NPDC1: variants seen among roughly 807,000 people sequenced by gnomAD.
The protein encoded by NPDC1 is neural proliferation differentiation and control protein 1.
NPDC1 carries 18 observed loss-of-function variants against 32.5 expected under a neutral mutation model. That is an observed-to-expected ratio of 0.55 (90% CI 0.38 to 0.82). The LOEUF (loss-of-function observed/expected upper bound fraction) is 0.82. NPDC1 is among the 40% of genes least tolerant of loss of function. The pLI is 0.00. For missense variants in NPDC1, 468 were observed against 406.6 expected (o/e 1.15, Z -1.30); for synonymous variants, 210 against 184.7 (o/e 1.14, Z -1.11).
In NPDC1 at chr9:137,040,438, T is replaced by G. The variant is rs549708328; in HGVS notation, c.709-2A>C. On this transcript the variant is annotated splice_acceptor_variant, in intron 6 of 8. Coordinates refer to ENST00000371601, the MANE Select transcript of NPDC1 (RefSeq NM_015392.4). LOFTEE classifies it high-confidence loss of function. ...CTGTGCCAGCCGCTGGTCCCCAGGC[T>G]GTGGGAAGGAGGAGGCGAGGGTCAG... 1 of 1,555,470 alleles carries G rather than the reference T, an allele frequency of 6.4e-7. No homozygotes were observed. The highest frequency in any genetic ancestry group is 1.9e-5 in the Admixed American group (1 of 51,474).
Position 137,039,797 on chromosome 9 carries a change from G to A in NPDC1, c.953C>T (p.Pro318Leu), listed in dbSNP as rs773245166. The A allele has an allele frequency of 6.4e-6, 5 of 776,348 alleles. No homozygotes were observed. In the Admixed American group the frequency reaches 8.5e-5, roughly 13 times the overall value. The allele number at this position is 776,348 out of a possible 1,614,324, so 48.1% of individuals were successfully genotyped here. The change falls in exon 9 of 9, where the codon CCC becomes CTC. Residue 318 changes from proline (P) to leucine (L), a missense_variant. Coordinates refer to ENST00000371601, the MANE Select transcript of NPDC1 (RefSeq NM_015392.4). ...HAALSAPLPA[P>L]SSPPALP ...TCATGGCAGTGCAGGCGGTGAGCTG[G>A]GGGCCGGCAGGGGCGCGGACAGTGC...
Position 137,040,847 on chromosome 9 carries a change from G to A in NPDC1, c.523C>T (p.Pro175Ser), listed in dbSNP as rs1409023568. The A allele has an allele frequency of 1.3e-6, 2 of 1,597,350 alleles. No individual in the cohort carries two copies. Among genetic ancestry groups the A allele is most frequent in the South Asian group, 1.1e-5 (1 of 89,346 alleles). The change falls in exon 4 of 9, where the codon CCC becomes TCC. Residue 175 changes from proline (P) to serine (S), a missense_variant. By Grantham distance (74) the Pro-to-Ser change is moderately conservative. Coordinates refer to ENST00000371601, the MANE Select transcript of NPDC1 (RefSeq NM_015392.4). ...AGGCCGTCGCCTTGCCCTCCCCGGG[G>A]CTCCAGGGGCGACATGTGCACCGGG... ...SDPVHMSPLEPRGGQGDGLAL... is the reference protein window; with the variant it reads ...SDPVHMSPLESRGGQGDGLAL...
chr9:137,040,873 T>G lies in NPDC1; in HGVS notation c.497A>C (p.Asp166Ala), dbSNP rs1188123879. The G allele has an allele frequency of 6.3e-7, 1 of 1,598,704 alleles. No homozygotes were observed. Among genetic ancestry groups the G allele is most frequent in the African/African-American group, 1.3e-5 (1 of 74,678 alleles). ...HTSLGSPVSSDPVHMSPLEPR... is the reference protein window; with the variant it reads ...HTSLGSPVSSAPVHMSPLEPR... ...CTCCAGGGGCGACATGTGCACCGGG[T>G]CGGATGACACAGGGGAGCCCAGGGA... is the stretch of plus-strand genomic sequence containing the variant. Residue 166 changes from aspartate (D) to alanine (A), a missense_variant, in exon 4 of 9, where the codon GAC becomes GCC. Asp to Ala is a moderately radical substitution (Grantham distance 126). Transcript: ENST00000371601.
chr9:137,044,380 AC>A (rs36114428), intron 1 of NPDC1, among the ~76,000 whole-genome samples: 1 of 152,100 alleles, frequency 6.6e-6, no homozygotes. Context: ...CCAACTTGGC[AC>A]CTGGGGAGTG....
intron 1 of NPDC1, chr9:137,043,971 T>A (rs1219886896): frequency 6.5e-6 from 1 of 153,844 alleles, no homozygotes; most frequent in Non-Finnish European, 1.4e-5. Flanking sequence ...ATGTCCCCAG[T>A]CACAGCAAGC....
At chr9:137,042,800 C>T in intron 2 of NPDC1, 127 bp downstream of exon 2, 1 of 1,191,706 alleles carries the variant, frequency 8.4e-7, no homozygotes, top group African/African-American at 1.5e-5. Flanking sequence ...TCATGAGATC[C>T]AACAGCCTGG....
chr9:137,043,807 T>A, intron 1 of NPDC1: 1 of 187,494 alleles, frequency 5.3e-6, no homozygotes, highest in Non-Finnish European at 1.1e-5. Context: ...TAACCACACT[T>A]TCATCTCGCT....
chr9:137,043,619 G>A (rs907228411), intron 1 of NPDC1: 5 of 542,390 alleles, frequency 9.2e-6, no homozygotes, highest in Non-Finnish European at 1.6e-5. Flanking sequence ...CAGGCACCGA[G>A]GACACCTAAG....
At position 137,040,550 on chromosome 9, in the gene NPDC1, C is replaced by G. The variant is rs369675087; in HGVS notation, c.672G>C (p.Ala224=). ...GAGCTGCAGGTGAGCCAGGGGCCTT[C>G]GCAGTGGCGTAGTCGGCCTTCTGAG... ...RLTQKADYAT[A]KAPGSPAAPR... Residue 224 remains alanine, a synonymous_variant, in exon 6 of 9, where the codon GCG becomes GCC. Transcript: ENST00000371601. The G allele has an allele frequency of 6.3e-7, 1 of 1,587,588 alleles. No individual in the cohort carries two copies. Among genetic ancestry groups the G allele is most frequent in the African/African-American group, 1.3e-5 (1 of 74,516 alleles).
chr9:137,041,157 T>C lies in NPDC1; in HGVS notation c.290A>G (p.Asp97Gly), dbSNP rs1832045632. The C allele has an allele frequency of 6.8e-7, 1 of 1,481,348 alleles. No individual in the cohort carries two copies. The highest frequency in any genetic ancestry group is 2.4e-5 in the East Asian group (1 of 41,076). The allele number at this position is 1,481,348 out of a possible 1,614,324, so 91.8% of individuals were successfully genotyped here. The change falls in exon 3 of 9, where the codon GAT (aspartate) becomes GGT (glycine). Residue 97 changes from aspartate to glycine, a missense_variant. Asp to Gly is a moderately conservative substitution (Grantham distance 94). Coordinates refer to ENST00000371601, the MANE Select transcript of NPDC1 (RefSeq NM_015392.4). ...CTCCTGGGCCAGGAAGTCAATCTCA[T>C]CTTCCAGTCTGGGCTGGGGCCGGCC... The part of the protein sequence containing the change: ...GGGRPQPRLE[D>G]EIDFLAQELA...
rs370852515 is a variant in NPDC1 at position 137,039,998 on chromosome 9, C to G, written c.858G>C (p.Thr286=). ...GGGCCAGGCCCGGGCACTCGTACACCGTGAAGTCTCCGTCCTCATTCTCCT... is the reference window on the plus strand; with the variant it reads ...GGGCCAGGCCCGGGCACTCGTACACGGTGAAGTCTCCGTCCTCATTCTCCT... ...SDEENEDGDF[T]VYECPGLAPT... The change falls in exon 8 of 9, where the codon ACG becomes ACC. Residue 286 remains threonine, a synonymous_variant. Coordinates refer to ENST00000371601, the MANE Select transcript of NPDC1 (RefSeq NM_015392.4). 3 of 778,976 alleles carry G rather than the reference C, an allele frequency of 3.9e-6. No homozygotes were observed. The highest frequency in any genetic ancestry group is 7.2e-6 in the Non-Finnish European group (3 of 417,952). 48.3% of individuals were successfully genotyped at this position (778,976 alleles called of 1,614,324 possible). A position where few individuals can be genotyped will look rare whatever the true frequency, so the allele number is the denominator to read the frequency against.
At position 137,039,586 on chromosome 9, in the gene NPDC1, G is replaced by T; in HGVS notation, c.*186C>A. The T allele has an allele frequency of 1.7e-6, 1 of 579,290 alleles. No homozygotes were observed. Among genetic ancestry groups the T allele is most frequent in the Non-Finnish European group, 3.1e-6 (1 of 327,242 alleles). The allele number at this position is 579,290 out of a possible 1,614,324, so 35.9% of individuals were successfully genotyped here. Reference sequence around the variant, plus strand: ...CTAAACCGAACAGGAGAGGTGCAGGGGACCAGGAGGTGTCCTGGCACAAAG... The same window carrying T: ...CTAAACCGAACAGGAGAGGTGCAGGTGACCAGGAGGTGTCCTGGCACAAAG... On this transcript the variant is annotated 3_prime_UTR_variant, in exon 9 of 9. Coordinates refer to ENST00000371601, the MANE Select transcript of NPDC1 (RefSeq NM_015392.4).
rs1832035000 is a variant in NPDC1, at chr9:137,040,736, C to T, written c.558G>A (p.Val186=). ...RGGQGDGLAL[V]LILAFCVAGA... is the part of the protein sequence containing the mutation. ...CGGCCACACAGAACGCCAGGATCAG[C>T]ACTGCAGGAGGGGGCGTGTGAGGGC... The change falls in exon 5 of 9, where the codon GTG becomes GTA. Residue 186 remains valine (V), a splice_region_variant and synonymous_variant. Transcript: ENST00000371601. 2 of 1,589,072 alleles carry T rather than the reference C, an allele frequency of 1.3e-6. No individual in the cohort carries two copies. Among genetic ancestry groups the T allele is most frequent in the Non-Finnish European group, 1.7e-6 (2 of 1,173,176 alleles).
At chr9:137,045,806 G>C (rs946001082) in intron 1 of NPDC1, 72 bp downstream of exon 1, 1 of 944,528 alleles carries the variant, frequency 1.1e-6, no homozygotes, top group African/African-American at 1.8e-5. Flanking sequence ...GGCGGCGCCC[G>C]GCAACCCGGT....
At position 137,046,051 on chromosome 9, in the gene NPDC1, G is replaced by A. The variant is rs1832125276; in HGVS notation, c.-62C>T. 2.6e-6 allele frequency: 3 copies of A among 1,158,322 alleles called. No individual in the cohort carries two copies. The Admixed American group carries it at 1.4e-4, about 55-fold the overall frequency. The allele number at this position is 1,158,322 out of a possible 1,614,324, so 71.8% of individuals were successfully genotyped here. On this transcript the variant is annotated 5_prime_UTR_variant, in exon 1 of 9. Coordinates refer to ENST00000371601, the MANE Select transcript of NPDC1 (RefSeq NM_015392.4). Reference sequence around the variant, plus strand: ...AGGCCAGGGGCTCGGCGCGGGCTCCGGGCTCCGCGTCGGGAGCAGCGGAGG... The same window carrying A: ...AGGCCAGGGGCTCGGCGCGGGCTCCAGGCTCCGCGTCGGGAGCAGCGGAGG...
At position 137,039,842 on chromosome 9, in the gene NPDC1, T is replaced by C; in HGVS notation, c.908A>G (p.Asn303Ser). The C allele has an allele frequency of 1.3e-6, 1 of 779,028 alleles. No individual in the cohort carries two copies. 48.3% of individuals were successfully genotyped at this position (779,028 alleles called of 1,614,324 possible). ...CAGTGCGGCGTGGTCGAACAGAGGG[T>C]TGCGCACCTCCATTTCCCCGGTCTG... ...LAPTGEMEVRNPLFDHAALSA... is the reference protein window; with the variant it reads ...LAPTGEMEVRSPLFDHAALSA... The change falls in exon 9 of 9, where the codon AAC becomes AGC. Residue 303 changes from asparagine (N) to serine (S), a missense_variant. Coordinates refer to ENST00000371601, the MANE Select transcript of NPDC1 (RefSeq NM_015392.4).
intron 2 of NPDC1, among the ~76,000 whole-genome samples, chr9:137,042,608 G>T (rs1246915650): frequency 7.5e-6 from 1 of 133,306 alleles, no homozygotes; most frequent in African/African-American, 2.9e-5. Context: ...TGTCGCCCAG[G>T]CTGGAGTGCA....
rs1264301953 is a variant in NPDC1 at position 137,039,968 on chromosome 9, C to A, written c.885+3G>T. The A allele has an allele frequency of 1.0e-5, 8 of 779,100 alleles. No homozygotes were observed. The highest frequency in any genetic ancestry group is 1.9e-5 in the Non-Finnish European group (8 of 417,986). The allele number at this position is 779,100 out of a possible 1,614,324, so 48.3% of individuals were successfully genotyped here. A position where few individuals can be genotyped will look rare whatever the true frequency, so the allele number is the denominator to read the frequency against. On this transcript the variant is annotated splice_donor_region_variant and intron_variant, in intron 8 of 8. Coordinates refer to ENST00000371601, the MANE Select transcript of NPDC1 (RefSeq NM_015392.4). Reference sequence around the variant, plus strand: ...GCCCCTCCCTGCACCCTGAGGCACTCACCGGGGCCAGGCCCGGGCACTCGT... The same window carrying A: ...GCCCCTCCCTGCACCCTGAGGCACTAACCGGGGCCAGGCCCGGGCACTCGT...
intron 6 of NPDC1, 22 bp from the exon 7 acceptor site, chr9:137,040,458 G>A (rs565906807): frequency 6.4e-7 from 1 of 1,562,966 alleles, no homozygotes; most frequent in East Asian, 2.4e-5. Flanking sequence ...AGGAGGCGAG[G>A]GTCAGTTGGC....
Sources: allele counts gnomAD v4.1 joint callset (sites outside exome capture counted in the v4.1 genomes callset), GRCh38; gene constraint gnomAD v4.1.1; transcripts MANE v1.5; gene names NCBI Gene and HGNC (gene_info 2026-07-23, HGNC 2026-07-21).